The following DGKI variants were observed in gnomAD, a reference collection of about 807,000 sequenced individuals.
The protein encoded by DGKI is diacylglycerol kinase iota.
A neutral mutation model predicts 147.5 loss-of-function variants in DGKI; 55 were observed. That is an observed-to-expected ratio of 0.37 (90% confidence interval 0.30 to 0.47). DGKI has a LOEUF of 0.47. DGKI is among the 20% of genes least tolerant of loss of function. The pLI is 1.00. For missense variants in DGKI, 1,007 were observed against 1,323.8 expected (o/e 0.76, Z 3.71); for synonymous variants, 469 against 477.1 (o/e 0.98, Z 0.22).
intron 28 of DGKI, among the ~76,000 whole-genome samples, chr7:137,423,388 C>T (rs1391979013): frequency 6.6e-6 from 1 of 152,160 alleles, no homozygotes; most frequent in Non-Finnish European, 1.5e-5. Flanking sequence ...CCTTCAAGGC[C>T]TCTGAAAGGA....
intron 20 of DGKI, among the ~76,000 whole-genome samples, chr7:137,523,128 C>T (rs1289001769): frequency 6.6e-6 from 1 of 151,780 alleles, no homozygotes; most frequent in Non-Finnish European, 1.5e-5. Context: ...AGAAGGAAAA[C>T]AGGAAAGATA....
At chr7:137,685,600 G>A (rs1823389182) in intron 2 of DGKI, among the ~76,000 whole-genome samples, 1 of 152,212 alleles carries the variant, frequency 6.6e-6, no homozygotes, top group Admixed American at 6.5e-5. Context: ...CCCAGGAGAT[G>A]AGAATATTTT....
At chr7:137,785,337 C>T (rs1291177920) in intron 1 of DGKI, among the ~76,000 whole-genome samples, 1 of 150,684 alleles carries the variant, frequency 6.6e-6, no homozygotes, top group African/African-American at 2.4e-5. Flanking sequence ...CTATGAACAC[C>T]TTCACGTGCA....
intron 23 of DGKI, among the ~76,000 whole-genome samples, chr7:137,474,323 A>G (rs1315191351): frequency 6.6e-6 from 1 of 152,202 alleles, no homozygotes; most frequent in Non-Finnish European, 1.5e-5. Context: ...AAAATTGGAG[A>G]TTTTTTTGAA....
At chr7:137,456,898 C>G (rs139771225) in intron 27 of DGKI, among the ~76,000 whole-genome samples, 1 of 152,156 alleles carries the variant, frequency 6.6e-6, no homozygotes, top group Non-Finnish European at 1.5e-5. Context: ...AATCCATTTC[C>G]TCCGAGTGGT....
chr7:137,766,618 G>A (rs1796021740), intron 1 of DGKI, among the ~76,000 whole-genome samples: 1 of 152,170 alleles, frequency 6.6e-6, no homozygotes, highest in Admixed American at 6.5e-5. Context: ...AGGGCAAAGA[G>A]AATCTTCCTT....
intron 1 of DGKI, among the ~76,000 whole-genome samples, chr7:137,756,383 T>C (rs1196981288): frequency 6.6e-6 from 1 of 152,112 alleles, no homozygotes; most frequent in African/African-American, 2.4e-5. Context: ...AATAATCCCA[T>C]GATGCAAACA....
intron 23 of DGKI, among the ~76,000 whole-genome samples, chr7:137,481,292 G>T (rs990238521): frequency 6.6e-6 from 1 of 152,118 alleles, no homozygotes; most frequent in Non-Finnish European, 1.5e-5. Context: ...GTGATTTGGG[G>T]TTAAGAAGGG....
rs753413828 is a variant in DGKI, at chr7:137,391,284, G to A, written c.3110C>T (p.Ala1037Val). The stretch of plus-strand genomic sequence containing the variant: ...ATAGTTCTGACGGCTTTCTAGGTAA[G>A]CAGCCAAGTCTGGGTCCCCAGCCTG... ...AQQAGDPDLA[A>V]YLESRQNYKV... is the part of the protein sequence containing the mutation. Residue 1037 changes from alanine (A) to valine (V), a missense_variant, in exon 33 of 33, where the codon GCT (alanine) becomes GTT (valine). Coordinates refer to ENST00000614521, the MANE Select transcript of DGKI (RefSeq NM_001321708.2). The A allele has an allele frequency of 3.0e-5, 48 of 1,613,492 alleles. 2 individuals carry two copies. The South Asian group carries it at 5.3e-4, about 18-fold the overall frequency.
chr7:137,478,630 A>G (rs1815261727), intron 23 of DGKI, among the ~76,000 whole-genome samples: 1 of 152,186 alleles, frequency 6.6e-6, no homozygotes, highest in South Asian at 2.1e-4. Context: ...GGATTCCTTG[A>G]TTCAGGGGCA....
chr7:137,568,706 G>A (rs951732816), intron 19 of DGKI, among the ~76,000 whole-genome samples: 1 of 152,042 alleles, frequency 6.6e-6, no homozygotes, highest in Non-Finnish European at 1.5e-5. Context: ...TTCTGGTACT[G>A]TTTTTCCTTT....
intron 21 of DGKI, among the ~76,000 whole-genome samples, chr7:137,517,789 C>T (rs571165571): frequency 6.6e-6 from 1 of 152,166 alleles, no homozygotes; most frequent in South Asian, 2.1e-4. Context: ...TGCAGGTAAA[C>T]GTTCAGATCA....
chr7:137,397,481 A>G, intron 30 of DGKI, 68 bp from the exon 31 acceptor site: 2 of 1,504,162 alleles, frequency 1.3e-6, no homozygotes, highest in Non-Finnish European at 1.8e-6. Flanking sequence ...CAGAAAATCT[A>G]TAGTCACAGA....
intron 20 of DGKI, among the ~76,000 whole-genome samples, chr7:137,535,255 A>G (rs1222205495): frequency 6.6e-6 from 1 of 152,112 alleles, no homozygotes; most frequent in African/African-American, 2.4e-5. Context: ...AGAGAAATCT[A>G]ATTTTTAATT....
chr7:137,621,475 C>T (rs1000382681), intron 7 of DGKI, among the ~76,000 whole-genome samples: 3 of 152,170 alleles, frequency 2.0e-5, no homozygotes, highest in African/African-American at 7.2e-5. Flanking sequence ...TCCCAAACCC[C>T]ATATTCTTTC....
At chr7:137,689,720 A>C (rs1274420159) in intron 2 of DGKI, among the ~76,000 whole-genome samples, 174 bp downstream of exon 2, 1 of 152,216 alleles carries the variant, frequency 6.6e-6, no homozygotes, top group Non-Finnish European at 1.5e-5. Flanking sequence ...CATATAAAGG[A>C]GTGATGTTCA....
chr7:137,669,088 C>T (rs1421473193), intron 3 of DGKI, among the ~76,000 whole-genome samples: 1 of 152,202 alleles, frequency 6.6e-6, no homozygotes, highest in African/African-American at 2.4e-5. Context: ...TGTCACACAA[C>T]TCAAAGCCTG....
At chr7:137,460,343 C>A (rs13228382) in intron 27 of DGKI, among the ~76,000 whole-genome samples, 7,220 of 152,090 alleles carry the variant, frequency 0.047, 204 homozygotes, top group Middle Eastern at 0.11. Context: ...AAATCACTAT[C>A]GAAATAGAGA....
At chr7:137,813,147 G>A (rs1439470938) in intron 1 of DGKI, among the ~76,000 whole-genome samples, 1 of 152,160 alleles carries the variant, frequency 6.6e-6, no homozygotes, top group South Asian at 2.1e-4. Context: ...ACAGACTTAG[G>A]GGGACCAGGT....
Sources: allele counts gnomAD v4.1 joint callset (sites outside exome capture counted in the v4.1 genomes callset), GRCh38; gene constraint gnomAD v4.1.1; transcripts MANE v1.5; gene names NCBI Gene and HGNC (gene_info 2026-07-23, HGNC 2026-07-21).